Variants in CADPS2 observed in about 807,000 individuals in gnomAD.
CADPS2 encodes calcium-dependent secretion activator 2.
CADPS2 carries 93 observed loss-of-function variants against 172.5 expected under a neutral mutation model. The ratio of observed to expected loss-of-function variants is 0.54; its 90% CI spans 0.46 to 0.64. The LOEUF is 0.64. Ranked by LOEUF, CADPS2 falls within the 30% of genes least tolerant of loss-of-function variation. CADPS2 has a pLI of 0.00. For missense variants in CADPS2, 1,420 were observed against 1,565.9 expected, an observed-to-expected ratio of 0.91 and a Z score of 1.57; for synonymous variants, 546 against 555.2, an observed-to-expected ratio of 0.98 and a Z score of 0.23.
At chr7:122,701,370 C>T (rs1178407174) in intron 2 of CADPS2, among the ~76,000 whole-genome samples, 4 of 151,962 alleles carry the variant, frequency 2.6e-5, no homozygotes, top group African/African-American at 7.3e-5. Context: ...TGTTCTCACT[C>T]ATAGGTGGGA....
At chr7:122,771,957 G>A (rs1292689407) in intron 1 of CADPS2, among the ~76,000 whole-genome samples, 1 of 152,174 alleles carries the variant, frequency 6.6e-6, no homozygotes, top group African/African-American at 2.4e-5. Context: ...CAGGTAGGGG[G>A]ACAACTTAGG....
At chr7:122,611,309 G>C (rs1021769708) in intron 6 of CADPS2, among the ~76,000 whole-genome samples, 8 of 147,936 alleles carry the variant, frequency 5.4e-5, no homozygotes, top group African/African-American at 1.8e-4. Context: ...CTTTTAGTTA[G>C]ATGGGCTAAG....
intron 8 of CADPS2, among the ~76,000 whole-genome samples, chr7:122,516,084 TAGA>T (rs376909016): frequency 3.9e-4 from 60 of 152,186 alleles, no homozygotes; most frequent in African/African-American, 1.4e-3. Context: ...TAGGGGTTAG[TAGA>T]AGATGTTATA....
chr7:122,701,359 A>C (rs2086048354), intron 2 of CADPS2, among the ~76,000 whole-genome samples: 1 of 152,016 alleles, frequency 6.6e-6, no homozygotes, highest in African/African-American at 2.4e-5. Flanking sequence ...CAAACACCGC[A>C]TGTTCTCACT....
At chr7:122,603,263 C>A (rs1266044350) in intron 6 of CADPS2, among the ~76,000 whole-genome samples, 1 of 151,944 alleles carries the variant, frequency 6.6e-6, no homozygotes, top group African/African-American at 2.4e-5. Flanking sequence ...AATACAAACA[C>A]CCAAGCCAAA....
chr7:122,789,458 T>A (rs2139634779), intron 1 of CADPS2, among the ~76,000 whole-genome samples: 1 of 152,008 alleles, frequency 6.6e-6, no homozygotes, highest in Non-Finnish European at 1.5e-5. Context: ...AGAGCAAGAG[T>A]CTTGCAAGGG....
intron 17 of CADPS2, among the ~76,000 whole-genome samples, chr7:122,426,747 C>A (rs1466840739): frequency 1.3e-5 from 2 of 152,246 alleles, no homozygotes; most frequent in Admixed American, 1.3e-4. Flanking sequence ...CCTGTTGGCA[C>A]CTGTTAGTAA....
chr7:122,430,812 C>A (rs1001247354), intron 17 of CADPS2, among the ~76,000 whole-genome samples: 3 of 152,128 alleles, frequency 2.0e-5, no homozygotes, highest in Admixed American at 2.0e-4. Context: ...TTTTATTTAA[C>A]CCATTATGAA....
In CADPS2 at chr7:122,594,175, CTG is replaced by C. The variant is rs1194260009; in HGVS notation, c.1224-12887_1224-12886del. On this transcript the variant is annotated intron_variant, in intron 6 of 29. Coordinates refer to ENST00000449022, the MANE Select transcript of CADPS2 (RefSeq NM_017954.11). ...AAGAACTGGGTGTAGCAGCACACAT[CTG>C]TAATCCTAGCTATTCAGGAGGCTGA... Among the ~76,000 whole-genome samples the C allele has an allele frequency of 3.9e-5, 6 of 152,086 alleles. No homozygotes were observed. In the South Asian group the frequency reaches 8.3e-4, roughly 21 times the overall value.
At chr7:122,671,821 T>C (rs1196466362) in intron 2 of CADPS2, among the ~76,000 whole-genome samples, 2 of 152,068 alleles carry the variant, frequency 1.3e-5, no homozygotes, top group African/African-American at 4.8e-5. Context: ...GAGTAGTGAG[T>C]AGGAAGGCAG....
At chr7:122,356,879 T>C (rs963069401) in intron 27 of CADPS2, among the ~76,000 whole-genome samples, 1 of 152,068 alleles carries the variant, frequency 6.6e-6, no homozygotes, top group Non-Finnish European at 1.5e-5. Context: ...ACGTTCATCT[T>C]GTATATTTTT....
At chr7:122,457,630 C>T (rs1176375955) in intron 14 of CADPS2, among the ~76,000 whole-genome samples, 1 of 152,176 alleles carries the variant, frequency 6.6e-6, no homozygotes, top group African/African-American at 2.4e-5. Context: ...AATAGCACTT[C>T]CAGAATTATT....
intron 17 of CADPS2, among the ~76,000 whole-genome samples, chr7:122,423,786 CAGT>C (rs1202460852): frequency 6.6e-6 from 1 of 152,218 alleles, no homozygotes; most frequent in Non-Finnish European, 1.5e-5. Flanking sequence ...ATTTCTGATT[CAGT>C]AGGTCTTGGA....
intron 9 of CADPS2, among the ~76,000 whole-genome samples, chr7:122,504,497 T>C (rs1586698561): frequency 6.6e-6 from 1 of 152,148 alleles, no homozygotes; most frequent in East Asian, 1.9e-4. Flanking sequence ...TGACACTCCA[T>C]GTTTCTGACT....
chr7:122,342,444 G>A (rs2036921666), intron 28 of CADPS2, among the ~76,000 whole-genome samples: 1 of 152,068 alleles, frequency 6.6e-6, no homozygotes. Flanking sequence ...TAGAGGTCAG[G>A]GATACTGTGA....
At chr7:122,824,711 G>T (rs975157135) in intron 1 of CADPS2, among the ~76,000 whole-genome samples, 2 of 152,130 alleles carry the variant, frequency 1.3e-5, no homozygotes, top group Non-Finnish European at 2.9e-5. Context: ...TTTCTGCCAT[G>T]TCAGTGTATT....
At chr7:122,702,868 T>G (rs188936781) in intron 2 of CADPS2, 1 of 694,584 alleles carries the variant, frequency 1.4e-6, no homozygotes, top group Non-Finnish European at 2.4e-6. Flanking sequence ...ATGGAAAAGG[T>G]CTCCCTGGAT....
chr7:122,575,524 C>A lies in CADPS2; in HGVS notation c.1335+5655G>T, dbSNP rs987070450. On this transcript the variant is annotated intron_variant, in intron 7 of 29. Coordinates refer to ENST00000449022, the MANE Select transcript of CADPS2 (RefSeq NM_017954.11). ...CGATCTCGGCTCACTGCAACCTCCC[C>A]CTCCAGGGTTCAAGCGATTCTCCTG... Among the ~76,000 whole-genome samples, 13 of 151,878 alleles carry A rather than the reference C, an allele frequency of 8.6e-5. No individual in the cohort carries two copies. The East Asian group carries it at 2.5e-3, about 29-fold the overall frequency.
intron 2 of CADPS2, among the ~76,000 whole-genome samples, chr7:122,712,041 CTT>C (rs999943909): frequency 1.4e-4 from 22 of 152,012 alleles, no homozygotes; most frequent in South Asian, 1.2e-3. Context: ...AAAAAACACT[CTT>C]GTATCTTTTA....
Sources: allele counts gnomAD v4.1 joint callset (sites outside exome capture counted in the v4.1 genomes callset), GRCh38; gene constraint gnomAD v4.1.1; transcripts MANE v1.5; gene names NCBI Gene and HGNC (gene_info 2026-07-23, HGNC 2026-07-21).